DCDC1: variants seen among roughly 807,000 people sequenced by gnomAD.
DCDC1 encodes the protein doublecortin domain-containing protein 1.
In DCDC1, 200 loss-of-function variants were observed where a neutral mutation model predicts 178.3. The ratio of observed to expected loss-of-function variants is 1.12; its 90% CI spans 1.00 to 1.26. The LOEUF is 1.26. Ranked by LOEUF, DCDC1 falls within the 50% of genes most tolerant of loss-of-function variation. The pLI is 0.00. For synonymous variants in DCDC1, 690 were observed against 604.8 expected, an observed-to-expected ratio of 1.14 and a Z score of -2.07; for missense variants, 1,983 against 1,749.2, an observed-to-expected ratio of 1.13 and a Z score of -2.38.
At chr11:31,028,776 T>C (rs1428149446) in intron 20 of DCDC1, among the ~76,000 whole-genome samples, 1 of 152,024 alleles carries the variant, frequency 6.6e-6, no homozygotes, top group Non-Finnish European at 1.5e-5. Context: ...TTGTACATCA[T>C]TCTGTGTGTG....
chr11:31,060,732 A>T lies in DCDC1; in HGVS notation c.2591+3737T>A, dbSNP rs573937147. Among the ~76,000 whole-genome samples the T allele has an allele frequency of 7.2e-5, 11 of 152,264 alleles. No individual in the cohort carries two copies. The East Asian group carries it at 9.6e-4, about 13-fold the overall frequency. On this transcript the variant is annotated intron_variant, in intron 20 of 38. Transcript: ENST00000684477. ...AAATTTGGGAAATAACTAAATATTT[A>T]AAAATGTGACAAAAACTTTCAATAA...
chr11:31,349,072 A>T (rs1950949793), intron 1 of DCDC1, among the ~76,000 whole-genome samples: 1 of 152,132 alleles, frequency 6.6e-6, no homozygotes, highest in African/African-American at 2.4e-5. Context: ...TCCAGACTCA[A>T]ATAAGTTATG....
intron 17 of DCDC1, among the ~76,000 whole-genome samples, chr11:31,090,859 A>G (rs1436468295): frequency 1.3e-5 from 2 of 152,202 alleles, no homozygotes; most frequent in Non-Finnish European, 2.9e-5. Flanking sequence ...GAAAGTGACT[A>G]GAAAACAATA....
chr11:31,331,305 T>C (rs140584075), intron 2 of DCDC1, among the ~76,000 whole-genome samples: 14,743 of 152,258 alleles, frequency 0.097, 1,976 homozygotes, highest in African/African-American at 0.3. Context: ...GTTTTCTAAA[T>C]GTACAATCAT....
At chr11:30,929,383 G>A (rs562669894) in intron 22 of DCDC1, among the ~76,000 whole-genome samples, 1 of 152,274 alleles carries the variant, frequency 6.6e-6, no homozygotes, top group South Asian at 2.1e-4. Context: ...GGAATACACA[G>A]TAGACACAAC....
chr11:30,921,089 A>T (rs1946221769), intron 24 of DCDC1, among the ~76,000 whole-genome samples, 154 bp from the exon 25 acceptor site: 1 of 152,210 alleles, frequency 6.6e-6, no homozygotes, highest in South Asian at 2.1e-4. Flanking sequence ...TTTAATTTTA[A>T]TTTTTATAGA....
intron 2 of DCDC1, among the ~76,000 whole-genome samples, chr11:31,331,677 T>C (rs537327040): frequency 2.6e-5 from 4 of 152,278 alleles, no homozygotes; most frequent in Middle Eastern, 3.4e-3. Context: ...TGATGGATTA[T>C]GTTTATTGAT....
chr11:31,343,307 G>A (rs1224299146), intron 1 of DCDC1, among the ~76,000 whole-genome samples: 1 of 152,072 alleles, frequency 6.6e-6, no homozygotes, highest in African/African-American at 2.4e-5. Context: ...GTCAGAGTAA[G>A]ACCCTGTCTT....
At chr11:31,186,735 T>C (rs1332074563) in intron 9 of DCDC1, among the ~76,000 whole-genome samples, 3 of 152,218 alleles carry the variant, frequency 2.0e-5, no homozygotes, top group Non-Finnish European at 1.5e-5. Flanking sequence ...AGACTGGAGA[T>C]GGCAAAGAAG....
chr11:31,132,898 G>T (rs1962628722), intron 10 of DCDC1, among the ~76,000 whole-genome samples: 2 of 152,132 alleles, frequency 1.3e-5, no homozygotes, highest in Non-Finnish European at 2.9e-5. Context: ...ATTCTGGTGA[G>T]AAAACAAACC....
chr11:30,909,824 T>C (rs1945321538), intron 28 of DCDC1, among the ~76,000 whole-genome samples: 1 of 152,220 alleles, frequency 6.6e-6, no homozygotes, highest in African/African-American at 2.4e-5. Flanking sequence ...AATATATTTA[T>C]TCTAATTGTG....
chr11:31,029,233 C>T (rs290078), intron 20 of DCDC1, among the ~76,000 whole-genome samples: 76,805 of 151,828 alleles, frequency 0.51, 19,910 homozygotes, highest in African/African-American at 0.63. Flanking sequence ...AACATTCTCA[C>T]TACATATTTT....
chr11:31,237,973 C>T (rs1047213557), intron 9 of DCDC1, among the ~76,000 whole-genome samples: 1 of 151,908 alleles, frequency 6.6e-6, no homozygotes, highest in African/African-American at 2.4e-5. Flanking sequence ...ACTCATTTCC[C>T]TTTTTTCTCT....
At chr11:31,022,647 G>GTGTA (rs1284757842) in intron 20 of DCDC1, among the ~76,000 whole-genome samples, 2 of 138,766 alleles carry the variant, frequency 1.4e-5, no homozygotes, top group African/African-American at 5.4e-5. Context: ...TTTAGTTTGT[G>GTGTA]TGTGTGTGTG....
intron 3 of DCDC1, among the ~76,000 whole-genome samples, chr11:31,321,515 G>A (rs1482918032): frequency 3.9e-5 from 6 of 152,220 alleles, no homozygotes; most frequent in South Asian, 2.1e-4. Context: ...GCTTCGGCTC[G>A]CGCACGGTGC....
At chr11:31,234,141 C>T (rs1395728043) in intron 9 of DCDC1, among the ~76,000 whole-genome samples, 1 of 152,128 alleles carries the variant, frequency 6.6e-6, no homozygotes, top group Non-Finnish European at 1.5e-5. Context: ...CTTGCCATAT[C>T]CTTTTTCCAT....
chr11:30,969,326 A>C (rs1410000522), intron 20 of DCDC1, among the ~76,000 whole-genome samples: 1 of 152,194 alleles, frequency 6.6e-6, no homozygotes, highest in Non-Finnish European at 1.5e-5. Flanking sequence ...ACTACAAAAG[A>C]GGAGAAGGCA....
chr11:31,342,558 G>C (rs1233188888), intron 1 of DCDC1, among the ~76,000 whole-genome samples: 1 of 152,184 alleles, frequency 6.6e-6, no homozygotes, highest in East Asian at 1.9e-4. Flanking sequence ...TGTCCACCCA[G>C]CACTCCTCTG....
At chr11:31,105,325 C>T (rs975088226) in intron 13 of DCDC1, among the ~76,000 whole-genome samples, 9 of 151,690 alleles carry the variant, frequency 5.9e-5, no homozygotes, top group East Asian at 1.9e-4. Flanking sequence ...CCAGTTATTC[C>T]GCAAATATGA....
Sources: allele counts gnomAD v4.1 joint callset (sites outside exome capture counted in the v4.1 genomes callset), GRCh38; gene constraint gnomAD v4.1.1; transcripts MANE v1.5; gene names NCBI Gene and HGNC (gene_info 2026-07-23, HGNC 2026-07-21).